Variants in TTLL4 observed in about 807,000 individuals in gnomAD.
TTLL4 encodes the protein tubulin tyrosine ligase like 4, also known as tubulin monoglutamylase TTLL4.
In TTLL4, 85 loss-of-function variants were observed where a neutral mutation model predicts 122.7. The observed-to-expected ratio is 0.69, with a 90% CI of 0.58 to 0.83. TTLL4 has a LOEUF of 0.83. Ranked by LOEUF, TTLL4 falls within the 40% of genes least tolerant of loss-of-function variation. The probability of loss-of-function intolerance (pLI) is 0.00; values close to 1 mark genes in which losing one functional copy is unlikely to be tolerated. For synonymous variants in TTLL4, 553 were observed against 563.0 expected, an observed-to-expected ratio of 0.98 and a Z score of 0.25; for missense variants, 1,363 against 1,488.6, an observed-to-expected ratio of 0.92 and a Z score of 1.39.
chr2:218,749,111 C>A, intron 13 of TTLL4, 142 bp from the exon 14 acceptor site: 2 of 1,310,360 alleles, frequency 1.5e-6, no homozygotes, highest in Non-Finnish European at 2.1e-6. Context: ...GAGCTGGTCC[C>A]AGATCAGAGG....
At chr2:218,745,925 A>C in intron 7 of TTLL4, 124 bp downstream of exon 7, 1 of 929,580 alleles carries the variant, frequency 1.1e-6, no homozygotes, top group Non-Finnish European at 1.7e-6. Flanking sequence ...CTGAAATCCA[A>C]CCTCATAGGA....
At chr2:218,751,836 G>A (rs1943023155) in intron 16 of TTLL4, 30 bp downstream of exon 16, 1 of 1,562,924 alleles carries the variant, frequency 6.4e-7, no homozygotes, top group African/African-American at 1.4e-5. Context: ...CCCAGTGCTA[G>A]CAGAAAACTT....
intron 3 of TTLL4, 65 bp from the exon 4 acceptor site, chr2:218,739,993 T>G: frequency 3.1e-5 from 44 of 1,440,398 alleles, no homozygotes; most frequent in Middle Eastern, 1.8e-4. Context: ...GATGAAGGAA[T>G]GAGAATCTAA....
Position 218,754,219 on chromosome 2 carries a change from C to G in TTLL4, c.3430C>G (p.Pro1144Ala), listed in dbSNP as rs1212727130. The change falls in exon 20 of 20, where the codon CCT (proline) becomes GCT (alanine). Residue 1144 changes from proline (P) to alanine (A), a missense_variant. Transcript: ENST00000392102. Reference sequence around the variant, plus strand: ...CAAGAAGACTCAAGCTGGCCTTTCCCCTTATCCCCAGAAACCCAGTTCCTC... The same window carrying G: ...CAAGAAGACTCAAGCTGGCCTTTCCGCTTATCCCCAGAAACCCAGTTCCTC... ...KSKKTQAGLS[P>A]YPQKPSSSKD... 3 of 1,614,208 alleles carry G rather than the reference C, an allele frequency of 1.9e-6. No individual in the cohort carries two copies. The highest frequency in any genetic ancestry group is 1.1e-5 in the South Asian group (1 of 91,078).
intron 7 of TTLL4, 51 bp from the exon 8 acceptor site, chr2:218,746,104 G>C: frequency 6.2e-7 from 1 of 1,608,588 alleles, no homozygotes; most frequent in Non-Finnish European, 8.5e-7. Flanking sequence ...GCCTCTCTCT[G>C]TCCCTGGACT....
chr2:218,735,845 G>T (rs1037183019), intron 2 of TTLL4, among the ~76,000 whole-genome samples: 8 of 151,316 alleles, frequency 5.3e-5, no homozygotes, highest in African/African-American at 1.9e-4. Context: ...GCTAATTTTT[G>T]TATTTTTAGT....
At position 218,754,617 on chromosome 2, in the gene TTLL4, C is replaced by G; in HGVS notation, c.*228C>G. 1 of 624,170 alleles carries G rather than the reference C, an allele frequency of 1.6e-6. No individual in the cohort carries two copies. The highest frequency in any genetic ancestry group is 2.7e-6 in the Non-Finnish European group (1 of 366,998). The allele number at this position is 624,170 out of a possible 1,614,324, so 38.7% of individuals were successfully genotyped here. Reference sequence around the variant, plus strand: ...CACCCTCTGTCACCTGTCTGCCTGGCTGGCACCTCATATCTCAGCAGAGAA... The same window carrying G: ...CACCCTCTGTCACCTGTCTGCCTGGGTGGCACCTCATATCTCAGCAGAGAA... On this transcript the variant is annotated 3_prime_UTR_variant, in exon 20 of 20. Coordinates refer to ENST00000392102, the MANE Select transcript of TTLL4 (RefSeq NM_014640.5).
intron 1 of TTLL4, among the ~76,000 whole-genome samples, chr2:218,724,829 A>T (rs1012252614): frequency 5.3e-5 from 8 of 152,056 alleles, no homozygotes; most frequent in African/African-American, 1.9e-4. Flanking sequence ...TAGTGGATTT[A>T]TTACAGGTTT....
intron 1 of TTLL4, among the ~76,000 whole-genome samples, chr2:218,715,177 T>C (rs1004997017): frequency 3.3e-5 from 5 of 152,220 alleles, no homozygotes; most frequent in African/African-American, 1.2e-4. Context: ...AGAAGACAGC[T>C]GGATTTTCAT....
At chr2:218,729,680 T>C (rs1402164354) in intron 2 of TTLL4, among the ~76,000 whole-genome samples, 1 of 151,674 alleles carries the variant, frequency 6.6e-6, no homozygotes, top group Non-Finnish European at 1.5e-5. Flanking sequence ...CTTACTAAAC[T>C]TGGTTATTAG....
At chr2:218,745,390 A>T (rs1426170980) in intron 6 of TTLL4, 157 bp downstream of exon 6, 2 of 944,092 alleles carry the variant, frequency 2.1e-6, no homozygotes, top group Non-Finnish European at 3.2e-6. Flanking sequence ...CGTAGGTCTG[A>T]TGCAACCTTT....
Position 218,747,449 on chromosome 2 carries a change from C to T in TTLL4, c.2249+77C>T. The T allele has an allele frequency of 1.3e-6, 2 of 1,576,756 alleles. No homozygotes were observed. Among genetic ancestry groups the T allele is most frequent in the Non-Finnish European group, 1.7e-6 (2 of 1,156,914 alleles). ...GAGGTTCCCTTCTTACAATGTTCTG[C>T]CCTTTGTTCTCCCAGCCAAAGAGCT... On this transcript the variant is annotated intron_variant, in intron 10 of 19. Coordinates refer to ENST00000392102, the MANE Select transcript of TTLL4 (RefSeq NM_014640.5). The surrounding 1 kb of genome is among the most constrained non-coding windows in gnomAD (Gnocchi z 4.7).
At chr2:218,725,518 C>T (rs1330355198) in intron 1 of TTLL4, among the ~76,000 whole-genome samples, 2 of 152,062 alleles carry the variant, frequency 1.3e-5, no homozygotes, top group Non-Finnish European at 2.9e-5. Context: ...GTCCTCCATG[C>T]GTTTTAACTA....
intron 5 of TTLL4, among the ~76,000 whole-genome samples, chr2:218,743,630 G>A (rs1467812446): frequency 6.6e-6 from 1 of 152,082 alleles, no homozygotes; most frequent in Non-Finnish European, 1.5e-5. Flanking sequence ...TGCCAAAATT[G>A]TTTTCCAGAG....
chr2:218,748,553 G>A (rs1942913499), intron 12 of TTLL4: 3 of 424,576 alleles, frequency 7.1e-6, no homozygotes, highest in Admixed American at 3.9e-5. Flanking sequence ...TGCTCAGGAA[G>A]TTGAGGCAGG....
chr2:218,730,338 A>G (rs1296399926), intron 2 of TTLL4, among the ~76,000 whole-genome samples: 2 of 145,068 alleles, frequency 1.4e-5, no homozygotes, highest in African/African-American at 2.5e-5. Flanking sequence ...AAAAAAAAAA[A>G]AAAAAAAAAA....
chr2:218,713,774 A>G (rs1196025266), intron 1 of TTLL4, among the ~76,000 whole-genome samples: 1 of 152,230 alleles, frequency 6.6e-6, no homozygotes, highest in Non-Finnish European at 1.5e-5. Flanking sequence ...GACTGGAGGC[A>G]GGGAGCCAAT....
At chr2:218,748,703 T>A (rs1181351050) in intron 12 of TTLL4, 133 bp from the exon 13 acceptor site, 3 of 612,190 alleles carry the variant, frequency 4.9e-6, no homozygotes, top group South Asian at 2.4e-5. Flanking sequence ...TCCAAGTTCA[T>A]CTCTTTCATA....
intron 15 of TTLL4, among the ~76,000 whole-genome samples, chr2:218,750,864 G>A (rs1310122472): frequency 6.6e-6 from 1 of 150,794 alleles, no homozygotes; most frequent in East Asian, 1.9e-4. Flanking sequence ...ACTCAGTATG[G>A]CCATTTTTTT....
Sources: gnomAD v4.1 joint callset for allele counts (sites outside exome capture counted in the v4.1 genomes callset) on GRCh38, gnomAD v4.1.1 for gene constraint, Gnocchi (gnomAD v3.1) non-coding constraint, MANE v1.5 for transcripts, NCBI Gene and HGNC (gene_info 2026-07-23, HGNC 2026-07-21) for gene names.